The following GPR55 variants were observed in gnomAD, a reference collection of about 807,000 sequenced individuals.
GPR55 encodes G protein-coupled receptor 55.
GPR55 carries 6 observed loss-of-function variants against 7.9 expected under a neutral mutation model. The observed-to-expected ratio is 0.76, with a 90% CI of 0.41 to 1.49. GPR55 has a LOEUF of 1.49. GPR55 is among the 40% of genes most tolerant of loss of function. GPR55 has a pLI of 0.01. For missense variants in GPR55, 376 were observed against 406.0 expected (o/e 0.93, Z 0.63); for synonymous variants, 183 against 166.8 (o/e 1.10, Z -0.75).
intron 1 of GPR55, among the ~76,000 whole-genome samples, chr2:230,950,028 G>T (rs1446473228): frequency 6.6e-6 from 1 of 152,132 alleles, no homozygotes. Context: ...TAGAGACGGG[G>T]TTTCACCATG....
chr2:230,931,176 C>G (rs1020169403), intron 1 of GPR55, among the ~76,000 whole-genome samples: 13 of 152,228 alleles, frequency 8.5e-5, no homozygotes, highest in Admixed American at 3.9e-4. Context: ...ACTCCAGTAC[C>G]TGGCTCAGTC....
chr2:230,930,351 C>T (rs6436981), intron 1 of GPR55, among the ~76,000 whole-genome samples: 9,334 of 152,202 alleles, frequency 0.061, 373 homozygotes, highest in South Asian at 0.12. Flanking sequence ...TATTGAATTC[C>T]TATTCTTCTT....
intron 1 of GPR55, among the ~76,000 whole-genome samples, chr2:230,922,650 A>G (rs1305787576): frequency 6.6e-6 from 1 of 150,500 alleles, no homozygotes; most frequent in East Asian, 2.0e-4. Flanking sequence ...ATCTCGGCTC[A>G]CTGCAACCTC....
chr2:230,955,362 A>G (rs768588802), intron 1 of GPR55, among the ~76,000 whole-genome samples: 22 of 152,196 alleles, frequency 1.4e-4, no homozygotes, highest in Non-Finnish European at 3.1e-4. Context: ...AGTCCTTGTT[A>G]TGGGCACACG....
upstream of GPR55, among the ~76,000 whole-genome samples, chr2:230,927,470 C>T (rs1690962416): frequency 6.6e-6 from 1 of 152,260 alleles, no homozygotes. Flanking sequence ...AGCTTTTCGC[C>T]TCCCCTTGCC....
intron 1 of GPR55, among the ~76,000 whole-genome samples, chr2:230,931,424 G>A (rs575160714): frequency 8.5e-5 from 13 of 152,274 alleles, no homozygotes; most frequent in South Asian, 6.2e-4. Context: ...TGTGCACCAC[G>A]AGCTTGATGC....
At chr2:230,921,337 A>G (rs1690831976) in intron 1 of GPR55, among the ~76,000 whole-genome samples, 1 of 152,238 alleles carries the variant, frequency 6.6e-6, no homozygotes, top group Admixed American at 6.5e-5. Flanking sequence ...ATCAGGGAGA[A>G]GTACATCATA....
chr2:230,949,411 G>C (rs1465032235), intron 1 of GPR55, among the ~76,000 whole-genome samples: 1 of 152,168 alleles, frequency 6.6e-6, no homozygotes, highest in Admixed American at 6.5e-5. Context: ...ATCTGCCCGC[G>C]TTGGCCTCCC....
At chr2:230,942,324 CT>C (rs1234235409) in intron 1 of GPR55, among the ~76,000 whole-genome samples, 1 of 152,186 alleles carries the variant, frequency 6.6e-6, no homozygotes, top group East Asian at 1.9e-4. Flanking sequence ...CCTCCTGGCC[CT>C]GCCTCCCTCA....
In GPR55 at chr2:230,918,630, A is replaced by C. The variant is rs1455059931; in HGVS notation, c.-135+6538T>G. On this transcript the variant is annotated intron_variant, in intron 1 of 1. Transcript: ENST00000650999. Reference sequence around the variant, plus strand: ...AAAGAGACAGACTTGCTCAAATACAATTATGAATATATATGCAAACATCCT... The same window carrying C: ...AAAGAGACAGACTTGCTCAAATACACTTATGAATATATATGCAAACATCCT... Among the ~76,000 whole-genome samples the C allele has an allele frequency of 2.0e-5, 3 of 152,204 alleles. No homozygotes were observed. The East Asian group carries it at 5.8e-4, about 29-fold the overall frequency.
intron 1 of GPR55, among the ~76,000 whole-genome samples, chr2:230,938,146 CAAAAAAAAAAAAA>C (rs59307128): frequency 1.0e-4 from 2 of 19,884 alleles, no homozygotes; most frequent in Non-Finnish European, 1.3e-4. Flanking sequence ...GACCCTGTCT[CAAAAAAAAAAAAA>C]AAAAAAAAAA....
intron 1 of GPR55, among the ~76,000 whole-genome samples, chr2:230,913,431 C>G (rs187504022): frequency 6.6e-6 from 1 of 152,278 alleles, no homozygotes; most frequent in Non-Finnish European, 1.5e-5. Context: ...TATATATCAT[C>G]CATTGAGCAC....
intron 1 of GPR55, among the ~76,000 whole-genome samples, chr2:230,911,639 T>A (rs1690594803): frequency 6.6e-6 from 1 of 152,190 alleles, no homozygotes; most frequent in African/African-American, 2.4e-5. Context: ...TTGGAGTCCC[T>A]TGTCAGGGAT....
At position 230,907,651 on chromosome 2, in the gene GPR55, G is replaced by C. The variant is rs954102764; in HGVS notation, c.*2352C>G. The C allele has an allele frequency of 6.6e-6, 1 of 152,396 alleles. No homozygotes were observed. Among genetic ancestry groups the C allele is most frequent in the Non-Finnish European group, 1.5e-5 (1 of 68,208 alleles). 9.4% of individuals were successfully genotyped at this position (152,396 alleles called of 1,614,324 possible). Reference sequence around the variant, plus strand: ...CACTGAGACTGCTGATACCCTCCAAGGACCTTCCTCTTACAGCCATGCAGC... The same window carrying C: ...CACTGAGACTGCTGATACCCTCCAACGACCTTCCTCTTACAGCCATGCAGC... On this transcript the variant is annotated 3_prime_UTR_variant, in exon 2 of 2. Transcript: ENST00000650999.
At chr2:230,957,923 G>C (rs1691517326) in intron 1 of GPR55, 1 of 493,894 alleles carries the variant, frequency 2.0e-6, no homozygotes, top group Non-Finnish European at 4.0e-6. Context: ...GATCCTGAAA[G>C]AAAAGAAACC....
At chr2:230,938,340 C>T (rs1691165036) in intron 1 of GPR55, among the ~76,000 whole-genome samples, 1 of 150,056 alleles carries the variant, frequency 6.7e-6, no homozygotes, top group South Asian at 2.1e-4. Flanking sequence ...ATACCTTTCA[C>T]TCCTTCTAAA....
chr2:230,920,894 T>C (rs910993704), intron 1 of GPR55, among the ~76,000 whole-genome samples: 5 of 152,126 alleles, frequency 3.3e-5, no homozygotes, highest in African/African-American at 1.2e-4. Flanking sequence ...TATTAATCTA[T>C]TAAAACCAAC....
intron 1 of GPR55, among the ~76,000 whole-genome samples, chr2:230,947,981 G>A (rs1204297085): frequency 6.6e-6 from 1 of 152,156 alleles, no homozygotes; most frequent in Non-Finnish European, 1.5e-5. Flanking sequence ...TTTGGTGTCT[G>A]TCAAGCTCCC....
At chr2:230,932,453 C>A (rs943826713) in intron 1 of GPR55, among the ~76,000 whole-genome samples, 8 of 152,132 alleles carry the variant, frequency 5.3e-5, no homozygotes, top group African/African-American at 1.9e-4. Flanking sequence ...ACATAATGCA[C>A]ATAACGTTAC....
Sources: gnomAD v4.1 joint callset for allele counts (sites outside exome capture counted in the v4.1 genomes callset) on GRCh38, gnomAD v4.1.1 for gene constraint, MANE v1.5 for transcripts, NCBI Gene and HGNC (gene_info 2026-07-23, HGNC 2026-07-21) for gene names.